Variants in GLIS3 observed in about 807,000 individuals in gnomAD.
GLIS3 encodes the protein GLIS family zinc finger 3.
Under a neutral mutation model 78.6 loss-of-function variants are expected in GLIS3, and 53 were observed. That is an observed-to-expected ratio of 0.67 (90% CI 0.54 to 0.85). The LOEUF is 0.85. GLIS3 is among the 40% of genes least tolerant of loss of function. GLIS3 has a pLI of 0.00. For missense variants in GLIS3, 1,703 were observed against 1,231.1 expected (o/e 1.38, Z -5.74); for synonymous variants, 684 against 509.9 (o/e 1.34, Z -4.60).
chr9:4,399,785 C>T, the GLIS3 span, among the ~76,000 whole-genome samples: 1 of 152,144 alleles, frequency 6.6e-6, no homozygotes, highest in Admixed American at 6.5e-5. Context: ...TGAGCAGCTA[C>T]AGAAGAGGCA....
At chr9:4,009,149 T>C (rs913973874) in intron 4 of GLIS3, among the ~76,000 whole-genome samples, 3 of 152,188 alleles carry the variant, frequency 2.0e-5, no homozygotes, top group Non-Finnish European at 4.4e-5. Context: ...GCTCACTTTC[T>C]CTCTCCTTCC....
At chr9:4,166,783 G>T (rs894721973) in intron 2 of GLIS3, among the ~76,000 whole-genome samples, 2 of 152,230 alleles carry the variant, frequency 1.3e-5, no homozygotes, top group African/African-American at 2.4e-5. Flanking sequence ...TTCTCAGCAT[G>T]AAACAGAGGA....
At chr9:4,337,140 C>T (rs1030342953) in intron 2 of GLIS3, among the ~76,000 whole-genome samples, 3 of 152,084 alleles carry the variant, frequency 2.0e-5, no homozygotes, top group Non-Finnish European at 4.4e-5. Flanking sequence ...CAACTTTTCC[C>T]GAAAGTAATT....
In GLIS3 at chr9:4,286,443, C is replaced by A. The variant is rs773176071; in HGVS notation, c.-18G>T. ...CCATTCATTCTGAAAAACCTGTGGC[C>A]AAGACGGTCAAATATCCAATGTCAC... On this transcript the variant is annotated 5_prime_UTR_variant, in exon 2 of 11. Coordinates refer to ENST00000381971, the MANE Select transcript of GLIS3 (RefSeq NM_001042413.2). 1 of 1,613,140 alleles carries A rather than the reference C, an allele frequency of 6.2e-7. No individual in the cohort carries two copies. The highest frequency in any genetic ancestry group is 8.5e-7 in the Non-Finnish European group (1 of 1,180,012).
At chr9:4,360,831 C>G in the GLIS3 span, among the ~76,000 whole-genome samples, 4 of 152,194 alleles carry the variant, frequency 2.6e-5, no homozygotes, top group Non-Finnish European at 4.4e-5. Context: ...CAGGCATTTC[C>G]TAGCCATGTG....
At chr9:4,229,181 A>G (rs888333169) in intron 2 of GLIS3, among the ~76,000 whole-genome samples, 4 of 152,254 alleles carry the variant, frequency 2.6e-5, no homozygotes, top group African/African-American at 9.6e-5. Context: ...GAACAGCAAC[A>G]TTGGCCATCT....
At chr9:4,113,480 C>G (rs890728052) in intron 4 of GLIS3, among the ~76,000 whole-genome samples, 1 of 152,084 alleles carries the variant, frequency 6.6e-6, no homozygotes, top group Non-Finnish European at 1.5e-5. Flanking sequence ...TCTCCATACC[C>G]TTATTGATAC....
the GLIS3 span, among the ~76,000 whole-genome samples, chr9:4,404,290 C>T: frequency 6.6e-6 from 1 of 152,150 alleles, no homozygotes; most frequent in Non-Finnish European, 1.5e-5. Flanking sequence ...TTCAACACCC[C>T]ACTTTCAGCA....
intron 2 of GLIS3, among the ~76,000 whole-genome samples, chr9:4,229,010 T>TA (rs5896054): frequency 0.37 from 56,103 of 152,064 alleles, 11,123 homozygotes; most frequent in Non-Finnish European, 0.45. Flanking sequence ...TGTTTTAATG[T>TA]AAAAAATCAT....
In GLIS3 at chr9:4,122,200, T is replaced by C. The variant is rs1458316507; in HGVS notation, c.597-3319A>G. On this transcript the variant is annotated intron_variant, in intron 3 of 10. Transcript: ENST00000381971. Reference sequence around the variant, plus strand: ...TGAGAGGCATGATGACCATGTTAGATGTTTGCTTCAATGTCAAGCTCAAAA... The same window carrying C: ...TGAGAGGCATGATGACCATGTTAGACGTTTGCTTCAATGTCAAGCTCAAAA... 2.0e-5 allele frequency among the ~76,000 whole-genome samples: 3 copies of C among 152,216 alleles called. No individual in the cohort carries two copies. In the East Asian group the frequency reaches 5.8e-4, roughly 29 times the overall value.
At chr9:4,333,353 G>T (rs1414028819) in intron 2 of GLIS3, among the ~76,000 whole-genome samples, 5 of 150,976 alleles carry the variant, frequency 3.3e-5, no homozygotes, top group South Asian at 4.2e-4. Flanking sequence ...AAAAAGGGAA[G>T]GAAGGAAGGA....
At chr9:4,236,675 G>C (rs1023591656) in intron 2 of GLIS3, among the ~76,000 whole-genome samples, 2 of 152,230 alleles carry the variant, frequency 1.3e-5, no homozygotes, top group South Asian at 4.2e-4. Context: ...TTCCCACAGT[G>C]CCTCATTTAC....
chr9:4,328,222 C>T (rs1438220821), intron 2 of GLIS3, among the ~76,000 whole-genome samples: 1 of 152,158 alleles, frequency 6.6e-6, no homozygotes, highest in Non-Finnish European at 1.5e-5. Flanking sequence ...CTTCAGAGGG[C>T]AGGAACAAGA....
At chr9:3,914,359 A>C (rs545068896) in intron 6 of GLIS3, among the ~76,000 whole-genome samples, 4 of 144,672 alleles carry the variant, frequency 2.8e-5, no homozygotes, top group African/African-American at 5.2e-5. Flanking sequence ...CAGAGGCAAG[A>C]TCTCACTATG....
At chr9:3,880,289 C>G (rs141793333) in intron 7 of GLIS3, among the ~76,000 whole-genome samples, 1 of 152,182 alleles carries the variant, frequency 6.6e-6, no homozygotes, top group Non-Finnish European at 1.5e-5. Flanking sequence ...CAGTCCCATT[C>G]GTATGGGCAG....
At chr9:4,176,671 T>TAC (rs1816838824) in intron 2 of GLIS3, among the ~76,000 whole-genome samples, 1 of 152,204 alleles carries the variant, frequency 6.6e-6, no homozygotes, top group Admixed American at 6.5e-5. Flanking sequence ...TCACCCAGGC[T>TAC]ACAGTGTAAT....
chr9:3,991,683 A>ATTTTTTTTTTTTTTTTTT (rs59495657), intron 4 of GLIS3, among the ~76,000 whole-genome samples: 1 of 87,912 alleles, frequency 1.1e-5, no homozygotes, highest in African/African-American at 5.3e-5. Flanking sequence ...AAGTAGGCTG[A>ATTTTTTTTTTTTTTTTTT]TTTTTTTTTT....
chr9:4,022,510 C>G (rs920921073), intron 4 of GLIS3, among the ~76,000 whole-genome samples: 1 of 152,150 alleles, frequency 6.6e-6, no homozygotes, highest in South Asian at 2.1e-4. Flanking sequence ...CAAAAATGCC[C>G]TGTCCTGATT....
intron 2 of GLIS3, among the ~76,000 whole-genome samples, chr9:4,335,714 C>G (rs1167987039): frequency 6.6e-6 from 1 of 152,140 alleles, no homozygotes; most frequent in African/African-American, 2.4e-5. Context: ...TCTATTTAGA[C>G]CTCTCTTAGA....
Sources: allele counts gnomAD v4.1 joint callset (sites outside exome capture counted in the v4.1 genomes callset), GRCh38; gene constraint gnomAD v4.1.1; transcripts MANE v1.5; gene names NCBI Gene and HGNC (gene_info 2026-07-23, HGNC 2026-07-21).